Variants in NBAS observed in about 807,000 individuals in gnomAD.
NBAS encodes NBAS subunit of NRZ tethering complex.
Under a neutral mutation model 302.5 loss-of-function variants are expected in NBAS, and 219 were observed. The ratio of observed to expected loss-of-function variants is 0.72; its 90% confidence interval spans 0.65 to 0.81. NBAS has a LOEUF of 0.81. NBAS is among the 30% of genes least tolerant of loss of function. NBAS has a pLI of 0.00. For missense variants in NBAS, 2,932 were observed against 2,841.6 expected (o/e 1.03, Z -0.72); for synonymous variants, 1,118 against 1,021.6 (o/e 1.09, Z -1.80).
intron 38 of NBAS, among the ~76,000 whole-genome samples, chr2:15,317,988 C>T (rs1362803431): frequency 2.6e-5 from 4 of 152,202 alleles, no homozygotes; most frequent in Non-Finnish European, 4.4e-5. Context: ...ATGTTAAGGG[C>T]AGCCAGCACA....
At position 15,207,380 on chromosome 2, in the gene NBAS, G is replaced by A. The variant is rs180848174; in HGVS notation, c.6432+11393C>T. On this transcript the variant is annotated intron_variant, in intron 48 of 51. Coordinates refer to ENST00000281513, the MANE Select transcript of NBAS (RefSeq NM_015909.4). ...TTTGTGATTTTACAGGCTCGTAAGT[G>A]AAAACAACTCGTCTTGTCTCAGTCT... is the stretch of plus-strand genomic sequence containing the variant. Among the ~76,000 whole-genome samples, 300 of 152,282 alleles carry A rather than the reference G, an allele frequency of 2.0e-3. 2 individuals are homozygous for A. Among genetic ancestry groups the A allele is most frequent in the African/African-American group, 6.7e-3 (280 of 41,550 alleles).
chr2:15,072,779 G>A, the NBAS span, among the ~76,000 whole-genome samples: 1 of 152,154 alleles, frequency 6.6e-6, no homozygotes, highest in Non-Finnish European at 1.5e-5. Context: ...TATGTACTCA[G>A]TAGAACTTTT....
At chr2:15,153,760 T>C in the NBAS span, among the ~76,000 whole-genome samples, 2 of 152,214 alleles carry the variant, frequency 1.3e-5, no homozygotes, top group African/African-American at 4.8e-5. Flanking sequence ...CTTGGAAAAT[T>C]CACTTATCTC....
chr2:14,916,754 C>T, the NBAS span, among the ~76,000 whole-genome samples: 1 of 152,146 alleles, frequency 6.6e-6, no homozygotes, highest in Admixed American at 6.5e-5. Flanking sequence ...CAGAAGATGC[C>T]TCATGTATTC....
At chr2:15,355,120 C>T (rs1452258836) in intron 33 of NBAS, among the ~76,000 whole-genome samples, 1 of 152,188 alleles carries the variant, frequency 6.6e-6, no homozygotes, top group South Asian at 2.1e-4. Context: ...TTTTCTTTAA[C>T]AGTACACATG....
At chr2:15,128,214 G>C in the NBAS span, among the ~76,000 whole-genome samples, 2 of 152,160 alleles carry the variant, frequency 1.3e-5, no homozygotes, top group Admixed American at 1.3e-4. Flanking sequence ...AACCTGGCCT[G>C]AACTAAGTAC....
At chr2:14,780,841 A>C in the NBAS span, among the ~76,000 whole-genome samples, 11 of 152,184 alleles carry the variant, frequency 7.2e-5, no homozygotes, top group African/African-American at 2.4e-4. Context: ...GGAGCTTCTT[A>C]AGAATAAAAC....
the NBAS span, among the ~76,000 whole-genome samples, chr2:14,926,139 A>G: frequency 6.6e-6 from 1 of 152,182 alleles, no homozygotes; most frequent in Non-Finnish European, 1.5e-5. Flanking sequence ...GGTGTGATAG[A>G]GCCAAAATTT....
chr2:15,382,517 G>T (rs1466432855), intron 29 of NBAS, among the ~76,000 whole-genome samples: 1 of 152,162 alleles, frequency 6.6e-6, no homozygotes, highest in Non-Finnish European at 1.5e-5. Context: ...TTTATTAGGA[G>T]TTTTCTAAGT....
the NBAS span, among the ~76,000 whole-genome samples, chr2:15,155,544 C>T: frequency 6.6e-6 from 1 of 152,184 alleles, no homozygotes; most frequent in Non-Finnish European, 1.5e-5. Flanking sequence ...TATTTCCTTC[C>T]TGGGAGCTTG....
the NBAS span, among the ~76,000 whole-genome samples, chr2:15,161,831 T>C: frequency 0.13 from 19,656 of 152,090 alleles, 1,629 homozygotes; most frequent in South Asian, 0.23. Context: ...GCAGCTCAGG[T>C]GTAGTAGGGA....
chr2:15,217,986 G>A (rs1572467109), intron 48 of NBAS, among the ~76,000 whole-genome samples: 1 of 152,296 alleles, frequency 6.6e-6, no homozygotes, highest in Middle Eastern at 3.4e-3. Flanking sequence ...AGAGAAGATG[G>A]ACTGAGTGAG....
chr2:15,278,697 G>A (rs1669697322), intron 42 of NBAS, among the ~76,000 whole-genome samples: 2 of 152,164 alleles, frequency 1.3e-5, no homozygotes, highest in Admixed American at 1.3e-4. Flanking sequence ...TGAAAATCCA[G>A]TTGAGTTACA....
chr2:15,042,945 T>A, the NBAS span, among the ~76,000 whole-genome samples: 1 of 152,206 alleles, frequency 6.6e-6, no homozygotes, highest in African/African-American at 2.4e-5. Context: ...CTCTGCCTTG[T>A]AGTAAGAAGG....
At chr2:15,368,403 T>C (rs887834654) in intron 31 of NBAS, among the ~76,000 whole-genome samples, 1 of 152,026 alleles carries the variant, frequency 6.6e-6, no homozygotes, top group African/African-American at 2.4e-5. Context: ...TTTCACCACA[T>C]TGGCCAGGCT....
At chr2:14,860,103 C>T in the NBAS span, among the ~76,000 whole-genome samples, 1 of 152,038 alleles carries the variant, frequency 6.6e-6, no homozygotes, top group African/African-American at 2.4e-5. Flanking sequence ...CAACATCACA[C>T]TAATCATTGG....
chr2:14,933,889 G>A, the NBAS span, among the ~76,000 whole-genome samples: 7 of 152,202 alleles, frequency 4.6e-5, no homozygotes, highest in Admixed American at 3.9e-4. Flanking sequence ...AGGCTCATTG[G>A]TGTAATATGC....
chr2:14,853,529 C>A, the NBAS span, among the ~76,000 whole-genome samples: 12 of 90,052 alleles, frequency 1.3e-4, 5 homozygotes, highest in South Asian at 7.2e-4. Flanking sequence ...CCTCAGGGAT[C>A]TAGAACTAGA....
rs78572942 is a variant in NBAS at position 15,481,404 on chromosome 2, C to T, written c.1084-3115G>A. On this transcript the variant is annotated intron_variant, in intron 12 of 51. Coordinates refer to ENST00000281513, the MANE Select transcript of NBAS (RefSeq NM_015909.4). ...ATCCTTCCACCCCAGGGCCTCTATGCGTGAAGAGACTCAGGATCAGACCAT... is the reference window on the plus strand; with the variant it reads ...ATCCTTCCACCCCAGGGCCTCTATGTGTGAAGAGACTCAGGATCAGACCAT... Among the ~76,000 whole-genome samples the T allele has an allele frequency of 4.8e-3, 731 of 152,226 alleles. 18 individuals are homozygous for T. In the East Asian group the frequency reaches 0.069, roughly 14 times the overall value.
Sources: gnomAD v4.1 joint callset for allele counts (sites outside exome capture counted in the v4.1 genomes callset) on GRCh38, gnomAD v4.1.1 for gene constraint, MANE v1.5 for transcripts, NCBI Gene and HGNC (gene_info 2026-07-23, HGNC 2026-07-21) for gene names.